ASAH1: variants seen among roughly 807,000 people sequenced by gnomAD.
ASAH1 encodes acid ceramidase.
Under a neutral mutation model 59.5 loss-of-function variants are expected in ASAH1, and 70 were observed. The observed-to-expected ratio is 1.18, with a 90% CI of 0.97 to 1.43. The LOEUF is 1.43. Ranked by LOEUF, ASAH1 falls within the 40% of genes most tolerant of loss-of-function variation. The pLI is 0.00. For missense variants in ASAH1, 660 were observed against 482.5 expected, an observed-to-expected ratio of 1.37 and a Z score of -3.45; for synonymous variants, 213 against 166.5, an observed-to-expected ratio of 1.28 and a Z score of -2.15.
chr8:18,061,097 T>A (rs569909218), intron 10 of ASAH1: 280 of 332,058 alleles, frequency 8.4e-4, no homozygotes, highest in Middle Eastern at 4.1e-3. Context: ...ACTGTTCTTT[T>A]GTGTGTGGGT....
chr8:18,059,178 C>T (rs1194640602), intron 12 of ASAH1, 163 bp downstream of exon 12: 3 of 1,146,492 alleles, frequency 2.6e-6, no homozygotes, highest in African/African-American at 3.1e-5. Flanking sequence ...CAATTTTGCT[C>T]TTTAAGTTAA....
intron 1 of ASAH1, among the ~76,000 whole-genome samples, chr8:18,079,460 A>G (rs1184453582): frequency 8.7e-6 from 1 of 114,542 alleles, no homozygotes; most frequent in Non-Finnish European, 2.1e-5. Context: ...ACAAAAATAT[A>G]AAGAGAACAT....
chr8:18,064,619 T>C (rs1290896879), intron 5 of ASAH1, 88 bp from the exon 6 acceptor site: 5 of 807,204 alleles, frequency 6.2e-6, no homozygotes, highest in African/African-American at 1.7e-5. Flanking sequence ...AGTGTTTTCA[T>C]TGTGTGAGTG....
chr8:18,070,189 G>A (rs10102520), intron 3 of ASAH1, among the ~76,000 whole-genome samples: 2 of 150,532 alleles, frequency 1.3e-5, no homozygotes, highest in Non-Finnish European at 3.0e-5. Context: ...TGCTCTTGTC[G>A]CCCAGGCCGG....
chr8:18,083,686 G>C (rs1197038534), intron 1 of ASAH1, among the ~76,000 whole-genome samples: 1 of 152,216 alleles, frequency 6.6e-6, no homozygotes, highest in South Asian at 2.1e-4. Flanking sequence ...GCCTGGAACT[G>C]GTTATTCAAG....
rs556143081 is a variant in ASAH1, at chr8:18,057,476, C to T, written c.*58G>A. 11 of 1,361,896 alleles carry T rather than the reference C, an allele frequency of 8.1e-6. No homozygotes were observed. The African/African-American group carries it at 1.4e-4, about 18-fold the overall frequency. 84.4% of individuals were successfully genotyped at this position (1,361,896 alleles called of 1,614,324 possible). A position where few individuals can be genotyped will look rare whatever the true frequency, so the allele number is the denominator to read the frequency against. On this transcript the variant is annotated 3_prime_UTR_variant, in exon 14 of 14. Coordinates refer to ENST00000637790, the MANE Select transcript of ASAH1 (RefSeq NM_177924.5). Reference sequence around the variant, plus strand: ...AGGTCAGACAGCTGCAGTGTTCGGTCACATGGAGATGGTGTCTTCATGTCT... The same window carrying T: ...AGGTCAGACAGCTGCAGTGTTCGGTTACATGGAGATGGTGTCTTCATGTCT...
chr8:18,064,796 T>A (rs1799863985), intron 5 of ASAH1: 2 of 396,182 alleles, frequency 5.0e-6, no homozygotes, highest in South Asian at 9.0e-5. Context: ...ACATCCAAAA[T>A]GTTTATCAAC....
At chr8:18,061,316 T>C (rs1799688003) in intron 10 of ASAH1, 61 bp downstream of exon 10, 1 of 1,384,540 alleles carries the variant, frequency 7.2e-7, no homozygotes, top group Non-Finnish European at 1.0e-6. Context: ...CAAATATTTT[T>C]ATTTTTTAAT....
At chr8:18,072,235 C>G (rs1424437768) in intron 2 of ASAH1, among the ~76,000 whole-genome samples, 1 of 152,206 alleles carries the variant, frequency 6.6e-6, no homozygotes, top group East Asian at 1.9e-4. Context: ...TAACCATCAT[C>G]TGTTCCACTG....
intron 1 of ASAH1, chr8:18,076,560 C>T (rs1208842598): frequency 1.3e-5 from 2 of 152,208 alleles, no homozygotes; most frequent in Non-Finnish European, 2.9e-5. Context: ...GTCTTTATCT[C>T]CTTTCCTCTG....
In ASAH1 at chr8:18,061,423, T is replaced by G; in HGVS notation, c.739A>C (p.Met247Leu). The change falls in exon 10 of 14, where the codon ATG (methionine) becomes CTG (leucine). Residue 247 changes from methionine (M) to leucine (L), a missense_variant. Met to Leu is a conservative substitution (Grantham distance 15). Coordinates refer to ENST00000637790, the MANE Select transcript of ASAH1 (RefSeq NM_177924.5). ...LEWILGKKDV[M>L]WIGFLTRTVL... is the part of the protein sequence containing the mutation. Reference sequence around the variant, plus strand: ...GTTCTAGTGAGGAACCCTATCCACATGACATCTTTCTTTCCCAGAATCCAT... The same window carrying G: ...GTTCTAGTGAGGAACCCTATCCACAGGACATCTTTCTTTCCCAGAATCCAT... 6.2e-7 allele frequency: 1 copy of G among 1,613,268 alleles called. No homozygotes were observed. Among genetic ancestry groups the G allele is most frequent in the Non-Finnish European group, 8.5e-7 (1 of 1,179,148 alleles).
upstream of ASAH1, chr8:18,084,249 G>GGGT: frequency 6.8e-7 from 1 of 1,461,434 alleles, no homozygotes; most frequent in African/African-American, 1.4e-5. Context: ...GCCACGAAAA[G>GGGT]GGTGGCGTAG....
intron 2 of ASAH1, among the ~76,000 whole-genome samples, chr8:18,072,653 A>G (rs6586685): frequency 0.43 from 65,317 of 152,032 alleles, 14,933 homozygotes; most frequent in Admixed American, 0.53. Context: ...CTAGAAAAAA[A>G]CTTTTCATCA....
intron 2 of ASAH1, 81 bp from the exon 3 acceptor site, chr8:18,071,471 G>A (rs1194691005): frequency 6.3e-6 from 6 of 954,352 alleles, no homozygotes; most frequent in East Asian, 2.8e-5. Context: ...AAGAATATAT[G>A]AGAGGCAAAG....
Position 18,057,605 on chromosome 8 carries a change from A to G in ASAH1, c.1117T>C (p.Leu373=), listed in dbSNP as rs1462289091. 2.5e-6 allele frequency: 4 copies of G among 1,603,092 alleles called. No individual in the cohort carries two copies. Among genetic ancestry groups the G allele is most frequent in the South Asian group, 2.2e-5 (2 of 90,940 alleles). The change falls in exon 14 of 14, where the codon TTG becomes CTG. Residue 373 remains leucine (L), a synonymous_variant. Coordinates refer to ENST00000637790, the MANE Select transcript of ASAH1 (RefSeq NM_177924.5). ...VLNKLTVYTT[L]IDVTKGQFET... ...AATTGACCTTTGGTAACATCTATCA[A>G]GGTTGTGTATACGGTCAGCTGAAAG... is the stretch of plus-strand genomic sequence containing the variant.
chr8:18,059,823 T>A, intron 10 of ASAH1, 120 bp from the exon 11 acceptor site: 1 of 1,003,712 alleles, frequency 1.0e-6, no homozygotes, highest in Non-Finnish European at 1.4e-6. Flanking sequence ...GCAGGTTTGT[T>A]ACATAGGTAC....
chr8:18,077,815 A>G (rs1462331213), intron 1 of ASAH1, among the ~76,000 whole-genome samples: 1 of 152,194 alleles, frequency 6.6e-6, no homozygotes, highest in African/African-American at 2.4e-5. Flanking sequence ...TTTACTTTGT[A>G]AAATTTGTAA....
intron 7 of ASAH1, 61 bp downstream of exon 7, chr8:18,063,124 T>G (rs1799776558): frequency 6.5e-7 from 1 of 1,528,006 alleles, no homozygotes; most frequent in South Asian, 1.1e-5. Flanking sequence ...CGTGTCAGCC[T>G]CCCAAAAAGC....
At position 18,075,387 on chromosome 8, in the gene ASAH1, C is replaced by T. The variant is rs568480418; in HGVS notation, c.125+154G>A. 204 of 827,926 alleles carry T rather than the reference C, an allele frequency of 2.5e-4. 1 individual carries two copies. The South Asian group carries it at 2.6e-3, about 11-fold the overall frequency. 51.3% of individuals were successfully genotyped at this position (827,926 alleles called of 1,614,324 possible). A position where few individuals can be genotyped will look rare whatever the true frequency, so the allele number is the denominator to read the frequency against. ...ATTTGTCCAAGATCTCAGCCAAATG[C>T]ATAATAAACAAATCTGAGAAACAAA... On this transcript the variant is annotated intron_variant, in intron 2 of 13. Coordinates refer to ENST00000637790, the MANE Select transcript of ASAH1 (RefSeq NM_177924.5).
Sources: allele counts gnomAD v4.1 joint callset (sites outside exome capture counted in the v4.1 genomes callset), GRCh38; gene constraint gnomAD v4.1.1; transcripts MANE v1.5; gene names NCBI Gene and HGNC (gene_info 2026-07-23, HGNC 2026-07-21).